The following PRKCE variants were observed in gnomAD, a reference collection of about 807,000 sequenced individuals.
The protein encoded by PRKCE is protein kinase C epsilon type.
A neutral mutation model predicts 85.4 loss-of-function variants in PRKCE; 16 were observed. The observed-to-expected ratio is 0.19, with a 90% CI of 0.13 to 0.28. PRKCE has a LOEUF of 0.28. Among genes scored for constraint, PRKCE ranks in the 10% least tolerant of loss-of-function variants. The pLI is 1.00. For missense variants in PRKCE, 573 were observed against 975.2 expected, an observed-to-expected ratio of 0.59 and a Z score of 5.49; for synonymous variants, 388 against 371.5, an observed-to-expected ratio of 1.04 and a Z score of -0.51.
chr2:46,065,705 C>A (rs34009723), intron 10 of PRKCE, among the ~76,000 whole-genome samples: 26,587 of 151,906 alleles, frequency 0.18, 2,902 homozygotes, highest in Non-Finnish European at 0.25. Flanking sequence ...AAACATATGG[C>A]AAAAAGGAAT....
intron 14 of PRKCE, among the ~76,000 whole-genome samples, chr2:46,179,831 C>A (rs1679791534): frequency 6.6e-6 from 1 of 152,182 alleles, no homozygotes; most frequent in Non-Finnish European, 1.5e-5. Context: ...ATGAATCAGA[C>A]TACAGCCATC....
At chr2:45,775,638 G>A (rs13017423) in intron 1 of PRKCE, among the ~76,000 whole-genome samples, 80,210 of 152,086 alleles carry the variant, frequency 0.53, 23,714 homozygotes, top group East Asian at 0.76. Flanking sequence ...ACCCTGGTCT[G>A]AGCCTCTGCC....
At chr2:46,070,023 A>G (rs180956957) in intron 10 of PRKCE, among the ~76,000 whole-genome samples, 1 of 152,296 alleles carries the variant, frequency 6.6e-6, no homozygotes, top group Non-Finnish European at 1.5e-5. Flanking sequence ...TCCTGGTGCT[A>G]GTGTTTCTTT....
chr2:46,131,823 A>C (rs1387828430), intron 11 of PRKCE, among the ~76,000 whole-genome samples: 1 of 152,164 alleles, frequency 6.6e-6, no homozygotes, highest in Non-Finnish European at 1.5e-5. Flanking sequence ...TTTTTCCCCA[A>C]GTGGAATTCT....
intron 10 of PRKCE, among the ~76,000 whole-genome samples, chr2:46,075,404 G>A (rs1258839904): frequency 6.6e-6 from 1 of 152,042 alleles, no homozygotes; most frequent in Admixed American, 6.5e-5. Flanking sequence ...GGCTACTGGT[G>A]GCAACAGGTG....
intron 1 of PRKCE, among the ~76,000 whole-genome samples, chr2:45,792,645 G>A (rs540857259): frequency 8.5e-5 from 13 of 152,238 alleles, no homozygotes; most frequent in South Asian, 2.1e-4. Context: ...GATAATCTAC[G>A]TAGCCTCTCT....
intron 1 of PRKCE, among the ~76,000 whole-genome samples, chr2:45,819,476 C>G (rs1331955593): frequency 2.0e-5 from 3 of 152,228 alleles, no homozygotes; most frequent in Non-Finnish European, 4.4e-5. Flanking sequence ...TCAGTTGCAG[C>G]TGAGTGGCCG....
At chr2:46,163,215 G>A (rs1428678944) in intron 14 of PRKCE, among the ~76,000 whole-genome samples, 2 of 151,758 alleles carry the variant, frequency 1.3e-5, no homozygotes, top group African/African-American at 4.8e-5. Flanking sequence ...AGAGGCCACT[G>A]GAGAGCCATG....
chr2:45,888,631 A>C (rs956808600), intron 2 of PRKCE, among the ~76,000 whole-genome samples: 1 of 151,978 alleles, frequency 6.6e-6, no homozygotes, highest in Non-Finnish European at 1.5e-5. Flanking sequence ...TTGTAATTTC[A>C]GTAGAGATGG....
At chr2:46,114,830 G>GGT (rs1177780817) in intron 11 of PRKCE, among the ~76,000 whole-genome samples, 1 of 152,074 alleles carries the variant, frequency 6.6e-6, no homozygotes, top group African/African-American at 2.4e-5. Flanking sequence ...GTTTAAAATA[G>GGT]GTGTGTGTGT....
At chr2:46,084,869 C>T (rs60358478) in intron 10 of PRKCE, among the ~76,000 whole-genome samples, 5,478 of 152,230 alleles carry the variant, frequency 0.036, 310 homozygotes, top group African/African-American at 0.12. Flanking sequence ...GGCATTGGTT[C>T]CTGCTGCCCC....
At chr2:46,049,392 A>C (rs1708721866) in intron 10 of PRKCE, among the ~76,000 whole-genome samples, 3 of 152,132 alleles carry the variant, frequency 2.0e-5, no homozygotes, top group Non-Finnish European at 4.4e-5. Context: ...CAGATACTTT[A>C]AGCTTCTATT....
In PRKCE at chr2:46,154,292, G is replaced by A. The variant is rs567206851; in HGVS notation, c.1920+3063G>A. Among the ~76,000 whole-genome samples, 8 of 152,236 alleles carry A rather than the reference G, an allele frequency of 5.3e-5. No homozygotes were observed. The South Asian group carries it at 1.7e-3, about 32-fold the overall frequency. The stretch of plus-strand genomic sequence containing the variant: ...GCCCCAAGCCAGTGAGGAGGCCTCG[G>A]GGGTACTAGTCTTATTTAGGGATAC... On this transcript the variant is annotated intron_variant, in intron 13 of 14. Transcript: ENST00000306156.
intron 1 of PRKCE, among the ~76,000 whole-genome samples, chr2:45,807,167 T>C (rs559832843): frequency 1.7e-4 from 26 of 152,324 alleles, no homozygotes; most frequent in African/African-American, 6.3e-4. Context: ...CAGCCTCAGT[T>C]TTTTCATCTG....
At chr2:46,123,830 G>C (rs375615800) in intron 11 of PRKCE, among the ~76,000 whole-genome samples, 8 of 152,160 alleles carry the variant, frequency 5.3e-5, no homozygotes, top group Non-Finnish European at 1.2e-4. Context: ...TCAGAAGTTT[G>C]GTGGTAAGGA....
chr2:45,944,869 GGTT>G (rs1700139662), intron 2 of PRKCE, among the ~76,000 whole-genome samples: 2 of 152,056 alleles, frequency 1.3e-5, no homozygotes, highest in African/African-American at 4.8e-5. Flanking sequence ...TGGACATTTA[GGTT>G]GGCGGATTCC....
chr2:46,046,137 G>A lies in PRKCE; in HGVS notation c.1437+35620G>A, dbSNP rs1328675342. Among the ~76,000 whole-genome samples the A allele has an allele frequency of 2.6e-5, 4 of 152,314 alleles. No individual in the cohort carries two copies. In the East Asian group the frequency reaches 7.7e-4, roughly 29 times the overall value. On this transcript the variant is annotated intron_variant, in intron 10 of 14. Coordinates refer to ENST00000306156, the MANE Select transcript of PRKCE (RefSeq NM_005400.3). ...GCCAGTGCCCCTGCTTACCCAGTGG[G>A]ATGGCTGGGATTCATTTCTGGTGGC... is the stretch of plus-strand genomic sequence containing the variant.
At chr2:45,919,694 T>G (rs1262600350) in intron 2 of PRKCE, among the ~76,000 whole-genome samples, 1 of 152,220 alleles carries the variant, frequency 6.6e-6, no homozygotes, top group African/African-American at 2.4e-5. Flanking sequence ...CCCCCCAACC[T>G]TTTCTTGGAA....
chr2:45,738,408 T>A (rs919421529), intron 1 of PRKCE, among the ~76,000 whole-genome samples: 6 of 152,308 alleles, frequency 3.9e-5, no homozygotes, highest in African/African-American at 1.4e-4. Context: ...CTCTCTGCCT[T>A]TGCTCATGCC....
Sources: gnomAD v4.1 joint callset for allele counts (sites outside exome capture counted in the v4.1 genomes callset) on GRCh38, gnomAD v4.1.1 for gene constraint, MANE v1.5 for transcripts, NCBI Gene and HGNC (gene_info 2026-07-23, HGNC 2026-07-21) for gene names.